The following CFI variants were observed in gnomAD, a reference collection of about 807,000 sequenced individuals.
CFI encodes C3B/C4B inactivator.
In CFI, 66 loss-of-function variants were observed where a neutral mutation model predicts 78.8. The observed-to-expected ratio is 0.84, with a 90% CI of 0.69 to 1.03. CFI has a LOEUF of 1.03. CFI is among the 50% of genes least tolerant of loss of function. The probability of loss-of-function intolerance (pLI) is 0.00; values close to 1 mark genes in which losing one functional copy is unlikely to be tolerated. For synonymous variants in CFI, 250 were observed against 232.6 expected, an observed-to-expected ratio of 1.07 and a Z score of -0.68; for missense variants, 706 against 704.5, an observed-to-expected ratio of 1.00 and a Z score of -0.02.
At chr4:109,732,337 C>T in the CFI span, among the ~76,000 whole-genome samples, 1 of 152,312 alleles carries the variant, frequency 6.6e-6, no homozygotes, top group East Asian at 1.9e-4. Context: ...CCATGAGAAT[C>T]ACCACCATTT....
Position 109,749,326 on chromosome 4 carries a change from A to G in CFI, c.1045-5T>C. The G allele has an allele frequency of 1.9e-6, 3 of 1,612,824 alleles. No homozygotes were observed. Among genetic ancestry groups the G allele is most frequent in the East Asian group, 4.5e-5 (2 of 44,874 alleles). On this transcript the variant is annotated splice_polypyrimidine_tract_variant and splice_region_variant and intron_variant, in intron 9 of 12. Coordinates refer to ENST00000394634, the MANE Select transcript of CFI (RefSeq NM_000204.5). ...CACCTGCCATGGGAGGTCTCCCTGT[A>G]AAAGACATTTGTGTGGTCACTGCCA...
chr4:109,782,646 C>T (rs1350997762), intron 1 of CFI, among the ~76,000 whole-genome samples: 4 of 151,760 alleles, frequency 2.6e-5, no homozygotes, highest in Non-Finnish European at 5.9e-5. Context: ...CAAAATACCA[C>T]CATCACTTTT....
chr4:109,773,558 T>C (rs1435976337), intron 1 of CFI, among the ~76,000 whole-genome samples: 1 of 151,984 alleles, frequency 6.6e-6, no homozygotes, highest in African/African-American at 2.4e-5. Context: ...CCACTGAGAG[T>C]TGGGGATTGG....
chr4:109,747,141 ATTC>A (rs550686574), intron 10 of CFI, among the ~76,000 whole-genome samples: 246 of 152,196 alleles, frequency 1.6e-3, no homozygotes, highest in Non-Finnish European at 3.2e-3. Flanking sequence ...AATATTGCCT[ATTC>A]TTATGCTTCA....
rs186557061 is a variant in CFI at position 109,780,500 on chromosome 4, G to A, written c.58-13676C>T. Among the ~76,000 whole-genome samples, 671 of 152,246 alleles carry A rather than the reference G, an allele frequency of 4.4e-3. 5 individuals carry two copies. The highest frequency in any genetic ancestry group is 0.014 in the African/African-American group (599 of 41,540). ...ATCATTAAAAAGTCAGGAAGCAACAGGTGCTGGAGAGGATATGGAGAAATA... is the reference window on the plus strand; with the variant it reads ...ATCATTAAAAAGTCAGGAAGCAACAAGTGCTGGAGAGGATATGGAGAAATA... On this transcript the variant is annotated intron_variant, in intron 1 of 12. Coordinates refer to ENST00000394634, the MANE Select transcript of CFI (RefSeq NM_000204.5).
rs143168498 is a variant in CFI at position 109,761,671 on chromosome 4, C to A, written c.504G>T (p.Arg168Ser). The A allele has an allele frequency of 1.1e-5, 18 of 1,612,710 alleles. No individual in the cohort carries two copies. The highest frequency in any genetic ancestry group is 1.4e-5 in the Non-Finnish European group (17 of 1,179,050). Residue 168 changes from arginine (R) to serine (S), a missense_variant, in exon 4 of 13, where the codon AGG becomes AGT. Coordinates refer to ENST00000394634, the MANE Select transcript of CFI (RefSeq NM_000204.5). ...GFQQGADTQR[R>S]FKLSDLSINS... is the part of the protein sequence containing the mutation. The stretch of plus-strand genomic sequence containing the variant: ...TTATAGAGAGATCAGACAACTTAAA[C>A]CTTCTTTGAGTATCAGCACCTCTGC...
intron 1 of CFI, among the ~76,000 whole-genome samples, chr4:109,798,515 T>A (rs1412530995): frequency 1.4e-5 from 1 of 71,290 alleles, no homozygotes; most frequent in African/African-American, 2.7e-5. Context: ...AGTGTTTTTT[T>A]TTTTTAAAAA....
intron 1 of CFI, among the ~76,000 whole-genome samples, chr4:109,799,256 ATTAATC>A (rs1244914087): frequency 6.6e-6 from 1 of 152,224 alleles, no homozygotes; most frequent in Non-Finnish European, 1.5e-5. Context: ...GAGATTGCTC[ATTAATC>A]TTGCAATGCC....
intron 1 of CFI, among the ~76,000 whole-genome samples, chr4:109,778,148 G>A (rs1346944681): frequency 6.6e-6 from 1 of 152,156 alleles, no homozygotes; most frequent in East Asian, 1.9e-4. Flanking sequence ...AGAACTGAAG[G>A]AGATACGGAC....
intron 7 of CFI, among the ~76,000 whole-genome samples, chr4:109,754,618 C>T (rs1301419054): frequency 1.3e-5 from 2 of 152,020 alleles, no homozygotes; most frequent in Non-Finnish European, 2.9e-5. Context: ...AGAATGGCAG[C>T]GTCACTTTGC....
chr4:109,784,724 T>C (rs1387308828), intron 1 of CFI, among the ~76,000 whole-genome samples: 1 of 152,128 alleles, frequency 6.6e-6, no homozygotes, highest in Non-Finnish European at 1.5e-5. Context: ...CTAAAAAGAC[T>C]ACTTGAAATA....
chr4:109,757,534 A>T (rs1726475771), intron 7 of CFI, among the ~76,000 whole-genome samples: 1 of 152,190 alleles, frequency 6.6e-6, no homozygotes, highest in African/African-American at 2.4e-5. Context: ...TGCAGGGAAG[A>T]GTCCACTCTG....
intron 12 of CFI, chr4:109,742,258 A>C: frequency 4.0e-6 from 2 of 506,140 alleles, no homozygotes; most frequent in Non-Finnish European, 7.1e-6. Flanking sequence ...CCGTGCTCTT[A>C]GTCACCTTGC....
chr4:109,798,600 A>C (rs1732365998), intron 1 of CFI, among the ~76,000 whole-genome samples: 1 of 151,836 alleles, frequency 6.6e-6, no homozygotes, highest in African/African-American at 2.4e-5. Context: ...TTCTTCTGTA[A>C]ATGGTCCATA....
At chr4:109,797,871 T>C (rs1732259711) in intron 1 of CFI, among the ~76,000 whole-genome samples, 2 of 152,198 alleles carry the variant, frequency 1.3e-5, no homozygotes, top group Non-Finnish European at 2.9e-5. Flanking sequence ...CCAGTTAGGA[T>C]GGTTATTGTC....
In CFI at chr4:109,756,941, GAA is replaced by G; in HGVS notation, c.904+820_904+821del. Among the ~76,000 whole-genome samples the G allele has an allele frequency of 4.1e-5, 6 of 148,050 alleles. 2 individuals carry two copies. Among genetic ancestry groups the G allele is most frequent in the Admixed American group, 4.0e-4 (6 of 14,892 alleles). On this transcript the variant is annotated intron_variant, in intron 7 of 12. Transcript: ENST00000394634. ...AGAAAGAAAGAAAGAAAGAAAGAAA[GAA>G]AGAAAGAAAGAAAGAAAGAAAGAAA... is the stretch of plus-strand genomic sequence containing the variant.
chr4:109,752,873 T>G (rs1180747752), intron 7 of CFI, among the ~76,000 whole-genome samples: 1 of 129,986 alleles, frequency 7.7e-6, no homozygotes, highest in Admixed American at 9.9e-5. Context: ...TATATATATA[T>G]AAAATATTAT....
intron 1 of CFI, among the ~76,000 whole-genome samples, chr4:109,769,817 G>A (rs1728333954): frequency 6.6e-6 from 1 of 152,132 alleles, no homozygotes; most frequent in South Asian, 2.1e-4. Flanking sequence ...CTGCCCTGCT[G>A]CCTACCATTG....
At chr4:109,781,506 A>G (rs1579284976) in intron 1 of CFI, among the ~76,000 whole-genome samples, 2 of 152,154 alleles carry the variant, frequency 1.3e-5, no homozygotes, top group East Asian at 3.8e-4. Flanking sequence ...CCATATTGAA[A>G]TGGTAATTAA....
Sources: gnomAD v4.1 joint callset for allele counts (sites outside exome capture counted in the v4.1 genomes callset) on GRCh38, gnomAD v4.1.1 for gene constraint, MANE v1.5 for transcripts, NCBI Gene and HGNC (gene_info 2026-07-23, HGNC 2026-07-21) for gene names.